The following ZNF280C variants were observed in gnomAD, a reference collection of about 807,000 sequenced individuals.
ZNF280C encodes the protein zinc finger protein 280C.
In ZNF280C, 14 loss-of-function variants were observed where a neutral mutation model predicts 53.6. That is an observed-to-expected ratio of 0.26 (90% CI 0.17 to 0.41). The LOEUF (loss-of-function observed/expected upper bound fraction) is 0.41, where lower values mean the gene tolerates loss of function less well. Among genes scored for constraint, ZNF280C ranks in the 10% least tolerant of loss-of-function variants. ZNF280C has a pLI of 1.00. For missense variants in ZNF280C, 416 were observed against 547.1 expected, an observed-to-expected ratio of 0.76 and a Z score of 2.39; for synonymous variants, 203 against 181.1, an observed-to-expected ratio of 1.12 and a Z score of -0.97.
intron 5 of ZNF280C, 82 bp from the exon 6 acceptor site, chrX:130,239,775 A>C (rs1209213178): frequency 5.9e-6 from 3 of 510,049 alleles, no homozygotes; most frequent in Non-Finnish European, 9.7e-6. Flanking sequence ...AAAGAATCTT[A>C]ATAACTCAAT....
At chrX:130,263,673 T>C (rs1304415464) in intron 1 of ZNF280C, among the ~76,000 whole-genome samples, 1 of 111,598 alleles carries the variant, frequency 9.0e-6, no homozygotes, top group South Asian at 3.7e-4. Context: ...AACCACTGAA[T>C]TGCACACTTC....
chrX:130,259,034 C>T (rs1235232685), intron 2 of ZNF280C, among the ~76,000 whole-genome samples: 1 of 111,797 alleles, frequency 8.9e-6, no homozygotes, highest in East Asian at 2.8e-4. Context: ...CTTTCCAACT[C>T]TTAGTTCAAT....
intron 2 of ZNF280C, among the ~76,000 whole-genome samples, chrX:130,250,271 G>A: frequency 9.0e-6 from 1 of 111,222 alleles, no homozygotes; most frequent in Admixed American, 9.6e-5. Flanking sequence ...TAAGAGAGAA[G>A]ACAAGAAATG....
chrX:130,227,884 T>C (rs1031397897), intron 10 of ZNF280C, 102 bp from the exon 11 acceptor site: 5 of 472,310 alleles, frequency 1.1e-5, no homozygotes, highest in African/African-American at 4.9e-5. Context: ...GAAGTAACAG[T>C]GATGTGGTTC....
intron 6 of ZNF280C, among the ~76,000 whole-genome samples, chrX:130,239,271 A>AGGCATCAGGGGACT (rs760470513): frequency 9.0e-6 from 1 of 111,729 alleles, no homozygotes; most frequent in Admixed American, 9.5e-5. Context: ...AGAGTATTTA[A>AGGCATCAGGGGACT]GGCATCAGGG....
chrX:130,230,439 T>C (rs1245164863), intron 9 of ZNF280C, 71 bp downstream of exon 9: 1 of 680,938 alleles, frequency 1.5e-6, no homozygotes, highest in African/African-American at 2.2e-5. Context: ...GGCAGAGCAA[T>C]GTAAAGATAC....
intron 1 of ZNF280C, 62 bp from the exon 2 acceptor site, chrX:130,260,527 G>A (rs1424382365): frequency 4.5e-6 from 4 of 896,346 alleles, no homozygotes; most frequent in Non-Finnish European, 6.2e-6. Flanking sequence ...ACCAAGTATT[G>A]AAACATGAAA....
chrX:130,261,536 G>C (rs1305087507), intron 1 of ZNF280C, among the ~76,000 whole-genome samples: 1 of 111,968 alleles, frequency 8.9e-6, no homozygotes, highest in East Asian at 2.8e-4. Flanking sequence ...GAAGTTACTT[G>C]TATAAATGTT....
intron 12 of ZNF280C, among the ~76,000 whole-genome samples, chrX:130,223,167 C>T (rs1265282392): frequency 9.0e-6 from 1 of 110,705 alleles, no homozygotes; most frequent in African/African-American, 3.3e-5. Context: ...ATGTGATTCT[C>T]CCCCCTCAGC....
At position 130,202,851 on chromosome X, in the gene ZNF280C, C is replaced by T. The variant is rs1396210463; in HGVS notation, c.*2126G>A. On this transcript the variant is annotated 3_prime_UTR_variant, in exon 19 of 19. Coordinates refer to ENST00000370978, the MANE Select transcript of ZNF280C (RefSeq NM_017666.5). ...CAAACAAGAAATTAAAAAAAATATA[C>T]ATCTATATATATATGAGCAAGAAAC... 9.0e-6 allele frequency: 1 copy of T among 111,124 alleles called. No individual in the cohort carries two copies. The highest frequency in any genetic ancestry group is 1.9e-5 in the Non-Finnish European group (1 of 53,012). 9.2% of individuals were successfully genotyped at this position (111,124 alleles called of 1,213,427 possible).
At chrX:130,256,546 G>A (rs953568434) in intron 2 of ZNF280C, among the ~76,000 whole-genome samples, 3 of 109,077 alleles carry the variant, frequency 2.8e-5, no homozygotes, top group Non-Finnish European at 3.8e-5. Context: ...CCAAGACTGC[G>A]CCACTGCACT....
At chrX:130,213,667 G>GA (rs1419364271) in intron 15 of ZNF280C, among the ~76,000 whole-genome samples, 1 of 112,054 alleles carries the variant, frequency 8.9e-6, no homozygotes, top group Non-Finnish European at 1.9e-5. Flanking sequence ...TCAAGACTCT[G>GA]AAAGTCATGG....
intron 5 of ZNF280C, among the ~76,000 whole-genome samples, chrX:130,242,003 G>T (rs780113232): frequency 1.0e-4 from 10 of 95,495 alleles, no homozygotes; most frequent in East Asian, 3.4e-4. Flanking sequence ...GGGAAGCCGG[G>T]GGGGGGCGGG....
rs1266182027 is a variant in ZNF280C at position 130,208,639 on chromosome X, AC to A, written c.2042+1013del. On this transcript the variant is annotated intron_variant, in intron 16 of 18. Coordinates refer to ENST00000370978, the MANE Select transcript of ZNF280C (RefSeq NM_017666.5). Reference sequence around the variant, plus strand: ...ATAAGCATTTTTCAGTAAAGGTAACACCTAATATATTTTACTCTTTTCTAAT... The same window carrying A: ...ATAAGCATTTTTCAGTAAAGGTAACACTAATATATTTTACTCTTTTCTAAT... 2.9e-4 allele frequency among the ~76,000 whole-genome samples: 32 copies of A among 111,579 alleles called. No individual in the cohort carries two copies. In the East Asian group the frequency reaches 5.9e-3, roughly 20 times the overall value.
chrX:130,238,579 C>T (rs2032357150), intron 6 of ZNF280C, among the ~76,000 whole-genome samples: 1 of 111,073 alleles, frequency 9.0e-6, no homozygotes, highest in African/African-American at 3.3e-5. Flanking sequence ...GAGTCACTGT[C>T]TTTACCCTTT....
At chrX:130,242,142 C>A (rs2032399347) in intron 5 of ZNF280C, among the ~76,000 whole-genome samples, 1 of 109,969 alleles carries the variant, frequency 9.1e-6, no homozygotes, top group Non-Finnish European at 1.9e-5. Flanking sequence ...ACTCGGGAGG[C>A]TGAGGTAGGA....
chrX:130,212,514 A>G, intron 15 of ZNF280C, among the ~76,000 whole-genome samples: 1 of 109,162 alleles, frequency 9.2e-6, no homozygotes, highest in Non-Finnish European at 1.9e-5. Context: ...AATACTCTGA[A>G]GAAGTCATAG....
intron 16 of ZNF280C, among the ~76,000 whole-genome samples, chrX:130,207,585 C>T (rs1227744732): frequency 9.0e-6 from 1 of 111,044 alleles, no homozygotes; most frequent in East Asian, 2.8e-4. Context: ...TGGTCTTAAA[C>T]TCCTGACCTC....
chrX:130,224,900 A>G (rs747421641), intron 12 of ZNF280C, among the ~76,000 whole-genome samples: 4 of 111,953 alleles, frequency 3.6e-5, no homozygotes, highest in Non-Finnish European at 7.5e-5. Context: ...CCAGGCATGT[A>G]AACCACTCTT....
Sources: gnomAD v4.1 joint callset for allele counts (sites outside exome capture counted in the v4.1 genomes callset) on GRCh38, gnomAD v4.1.1 for gene constraint, MANE v1.5 for transcripts, NCBI Gene and HGNC (gene_info 2026-07-23, HGNC 2026-07-21) for gene names.